SEMA6D: variants seen among roughly 807,000 people sequenced by gnomAD.
The protein encoded by SEMA6D is semaphorin 6D, also known as semaphorin-6D.
In SEMA6D, 35 loss-of-function variants were observed where a neutral mutation model predicts 106.6. The ratio of observed to expected loss-of-function variants is 0.33; its 90% CI spans 0.25 to 0.44. The LOEUF is 0.44. Among genes scored for constraint, SEMA6D ranks in the 20% least tolerant of loss-of-function variants. The probability of loss-of-function intolerance (pLI) is 1.00; values close to 1 mark genes in which losing one functional copy is unlikely to be tolerated. For missense variants in SEMA6D, 1,185 were observed against 1,345.9 expected (o/e 0.88, Z 1.87); for synonymous variants, 499 against 487.7 (o/e 1.02, Z -0.31).
chr15:47,700,227 G>T (rs2078781881), intron 4 of SEMA6D, among the ~76,000 whole-genome samples: 1 of 152,196 alleles, frequency 6.6e-6, no homozygotes, highest in African/African-American at 2.4e-5. Flanking sequence ...TAGTTTCAAT[G>T]CAATCCCAAT....
chr15:47,472,103 A>G (rs938607970), intron 3 of SEMA6D, among the ~76,000 whole-genome samples: 1 of 152,164 alleles, frequency 6.6e-6, no homozygotes, highest in Non-Finnish European at 1.5e-5. Flanking sequence ...CAAGAAGGCA[A>G]TTGTGACTGA....
intron 4 of SEMA6D, among the ~76,000 whole-genome samples, chr15:47,628,650 T>C (rs961419129): frequency 1.3e-5 from 2 of 152,112 alleles, no homozygotes; most frequent in African/African-American, 4.8e-5. Flanking sequence ...TAGATGCTAG[T>C]CCTTTGTCAG....
At chr15:47,615,509 A>AT (rs1246053661) in intron 4 of SEMA6D, among the ~76,000 whole-genome samples, 1 of 152,102 alleles carries the variant, frequency 6.6e-6, no homozygotes. Flanking sequence ...AAAAACAAGT[A>AT]TTTTTTTACG....
At chr15:47,689,197 T>G (rs1156341790) in intron 4 of SEMA6D, among the ~76,000 whole-genome samples, 2 of 152,184 alleles carry the variant, frequency 1.3e-5, no homozygotes, top group East Asian at 3.9e-4. Flanking sequence ...AATACACTCA[T>G]ATTCAGATTC....
At chr15:47,675,783 T>C (rs1162136197) in intron 4 of SEMA6D, among the ~76,000 whole-genome samples, 1 of 152,208 alleles carries the variant, frequency 6.6e-6, no homozygotes, top group African/African-American at 2.4e-5. Flanking sequence ...TCTGTGGTGG[T>C]TCTGGGCTTA....
chr15:47,413,010 C>T (rs991880928), intron 2 of SEMA6D, among the ~76,000 whole-genome samples: 2 of 152,120 alleles, frequency 1.3e-5, no homozygotes, highest in African/African-American at 4.8e-5. Flanking sequence ...TCAGAGACAT[C>T]TGTATGCCAT....
At chr15:47,527,115 C>T (rs1027560610) in intron 3 of SEMA6D, among the ~76,000 whole-genome samples, 5 of 152,156 alleles carry the variant, frequency 3.3e-5, no homozygotes, top group Admixed American at 6.5e-5. Flanking sequence ...GAATTATCTC[C>T]ATGAGGAGTG....
At chr15:47,518,895 A>ATTT (rs201327141) in intron 3 of SEMA6D, among the ~76,000 whole-genome samples, 1 of 151,470 alleles carries the variant, frequency 6.6e-6, no homozygotes, top group Non-Finnish European at 1.5e-5. Flanking sequence ...TTTGCAGTTA[A>ATTT]TTTTTTTTTA....
At chr15:47,737,349 T>C (rs1365446327) in intron 1 of SEMA6D, among the ~76,000 whole-genome samples, 1 of 152,182 alleles carries the variant, frequency 6.6e-6, no homozygotes, top group African/African-American at 2.4e-5. Flanking sequence ...ATGAGCTGTT[T>C]ATTTGGATGG....
At chr15:47,541,801 A>G (rs924341958) in intron 3 of SEMA6D, among the ~76,000 whole-genome samples, 4 of 152,162 alleles carry the variant, frequency 2.6e-5, no homozygotes, top group Non-Finnish European at 4.4e-5. Flanking sequence ...CAAGATTACA[A>G]TCAGTTGAAT....
At chr15:47,711,795 G>A (rs531607266) in intron 4 of SEMA6D, among the ~76,000 whole-genome samples, 1 of 152,152 alleles carries the variant, frequency 6.6e-6, no homozygotes, top group African/African-American at 2.4e-5. Context: ...TTCATTTTTA[G>A]TGCCTCTTAT....
intron 1 of SEMA6D, among the ~76,000 whole-genome samples, chr15:47,280,560 C>T: frequency 3.1e-5 from 1 of 32,572 alleles, no homozygotes; most frequent in Non-Finnish European, 6.2e-5. Context: ...TATTTCTTGC[C>T]TTCTGCTAGC....
At chr15:47,642,615 G>A (rs2077509264) in intron 4 of SEMA6D, among the ~76,000 whole-genome samples, 1 of 152,150 alleles carries the variant, frequency 6.6e-6, no homozygotes, top group Non-Finnish European at 1.5e-5. Flanking sequence ...AGGAGACACA[G>A]GGGTCAGAAG....
intron 1 of SEMA6D, among the ~76,000 whole-genome samples, chr15:47,358,603 T>C (rs1024981968): frequency 6.6e-6 from 1 of 152,202 alleles, no homozygotes; most frequent in Non-Finnish European, 1.5e-5. Context: ...ATCATCTTGA[T>C]GCGTTCCACT....
chr15:47,379,105 T>C (rs559710935), intron 1 of SEMA6D, among the ~76,000 whole-genome samples: 2 of 152,364 alleles, frequency 1.3e-5, no homozygotes, highest in South Asian at 2.1e-4. Flanking sequence ...TTTGAACTTA[T>C]AAAGCCTTTA....
chr15:47,652,761 T>C (rs1374045898), intron 4 of SEMA6D, among the ~76,000 whole-genome samples: 1 of 152,216 alleles, frequency 6.6e-6, no homozygotes, highest in Non-Finnish European at 1.5e-5. Flanking sequence ...CGTGCTATAA[T>C]TGGCTCATTG....
intron 4 of SEMA6D, among the ~76,000 whole-genome samples, chr15:47,638,982 A>G (rs1428726311): frequency 6.6e-6 from 1 of 152,202 alleles, no homozygotes; most frequent in Non-Finnish European, 1.5e-5. Context: ...GCCTGCTTGT[A>G]TGTGGCTTCC....
chr15:47,683,132 G>A (rs938110048), intron 4 of SEMA6D, among the ~76,000 whole-genome samples: 2 of 152,154 alleles, frequency 1.3e-5, no homozygotes, highest in African/African-American at 4.8e-5. Context: ...TAATTGTGAG[G>A]TTTGGGCTTA....
chr15:47,593,133 A>G (rs2076469564), intron 3 of SEMA6D, among the ~76,000 whole-genome samples: 1 of 152,160 alleles, frequency 6.6e-6, no homozygotes, highest in South Asian at 2.1e-4. Context: ...GGCTGGGCGC[A>G]GTGGCTCACA....
Sources: allele counts gnomAD v4.1 joint callset (sites outside exome capture counted in the v4.1 genomes callset), GRCh38; gene constraint gnomAD v4.1.1; transcripts MANE v1.5; gene names NCBI Gene and HGNC (gene_info 2026-07-23, HGNC 2026-07-21).